The following CDNF variants were observed in gnomAD, a reference collection of about 807,000 sequenced individuals.
CDNF encodes the protein ARMET-like protein 1.
A neutral mutation model predicts 14.8 loss-of-function variants in CDNF; 9 were observed. The ratio of observed to expected loss-of-function variants is 0.61; its 90% CI spans 0.37 to 1.06. The LOEUF is 1.06. Ranked by LOEUF, CDNF falls within the 50% of genes least tolerant of loss-of-function variation. CDNF has a pLI of 0.01. For synonymous variants in CDNF, 86 were observed against 87.2 expected, an observed-to-expected ratio of 0.99 and a Z score of 0.07; for missense variants, 228 against 228.4, an observed-to-expected ratio of 1.00 and a Z score of 0.01.
chr10:14,826,008 CAGAAGCAGAAGAAGAAGAAGGAGA>C (rs1253213674), intron 2 of CDNF, among the ~76,000 whole-genome samples: 21 of 84,918 alleles, frequency 2.5e-4, no homozygotes, highest in African/African-American at 1.1e-3. Flanking sequence ...GCAGAAGAAG[CAGAAGCAGAAGAAGAAGAAGGAGA>C]AGAAGAAGAA....
intron 1 of CDNF, among the ~76,000 whole-genome samples, chr10:14,832,271 G>A (rs1050097040): frequency 2.0e-5 from 3 of 152,212 alleles, no homozygotes; most frequent in African/African-American, 7.2e-5. Flanking sequence ...AGGCTCAAAT[G>A]CAGGAGTGTC....
Position 14,828,258 on chromosome 10 carries a change from A to G in CDNF, c.130T>C (p.Leu44=). The G allele has an allele frequency of 6.2e-7, 1 of 1,613,880 alleles. No individual in the cohort carries two copies. The part of the protein sequence containing the change: ...GADCEVCKEF[L]NRFYKSLIDR... The stretch of plus-strand genomic sequence containing the variant: ...ATCAGTGACTTGTAGAATCGGTTCA[A>G]GAATTCTTTACATACTGGAAGGAAC... The change falls in exon 2 of 4, where the codon TTG becomes CTG. Residue 44 remains leucine (L), a synonymous_variant. Transcript: ENST00000465530.
intron 2 of CDNF, among the ~76,000 whole-genome samples, chr10:14,827,351 G>T (rs372697337): frequency 6.6e-6 from 1 of 152,098 alleles, no homozygotes; most frequent in Non-Finnish European, 1.5e-5. Context: ...AGGGAAAAAG[G>T]AATTGGCCCC....
chr10:14,834,097 T>TTAG (rs1833867277), intron 1 of CDNF: 1 of 152,114 alleles, frequency 6.6e-6, no homozygotes, highest in Non-Finnish European at 1.5e-5. Flanking sequence ...TCCCAGCACT[T>TTAG]TAGGAGGCCA....
chr10:14,832,434 G>A (rs887872336), intron 1 of CDNF, among the ~76,000 whole-genome samples: 9 of 152,252 alleles, frequency 5.9e-5, no homozygotes, highest in African/African-American at 1.4e-4. Flanking sequence ...GTCACTCTGA[G>A]AAGGGAAGCC....
At chr10:14,824,651 T>C (rs1175676912) in intron 3 of CDNF, among the ~76,000 whole-genome samples, 2 of 150,610 alleles carry the variant, frequency 1.3e-5, no homozygotes, top group Non-Finnish European at 3.0e-5. Flanking sequence ...CTTTTCTTGC[T>C]GTTTGTTTTG....
In CDNF at chr10:14,819,946, T is replaced by C; in HGVS notation, c.*34A>G. 6.3e-7 allele frequency: 1 copy of C among 1,593,186 alleles called. No homozygotes were observed. Among genetic ancestry groups the C allele is most frequent in the Non-Finnish European group, 8.6e-7 (1 of 1,168,526 alleles). On this transcript the variant is annotated 3_prime_UTR_variant, in exon 4 of 4. Transcript: ENST00000465530. ...TATCCTAGAGAGTCACTTTTCTCTC[T>C]AATTACAAGTCACAAATGTGCTGGC...
At position 14,825,261 on chromosome 10, in the gene CDNF, G is replaced by C. The variant is rs185649095; in HGVS notation, c.385+218C>G. Reference sequence around the variant, plus strand: ...CTGAGCCACCGCGCCAGGCCTCATTGGCAATTTTAACCTAATGCTGATTAT... The same window carrying C: ...CTGAGCCACCGCGCCAGGCCTCATTCGCAATTTTAACCTAATGCTGATTAT... On this transcript the variant is annotated intron_variant, in intron 3 of 3. Transcript: ENST00000465530. Among the ~76,000 whole-genome samples, 422 of 152,142 alleles carry C rather than the reference G, an allele frequency of 2.8e-3. 2 individuals are homozygous for C. The highest frequency in any genetic ancestry group is 9.7e-3 in the African/African-American group (401 of 41,522).
chr10:14,819,597 T>C lies in CDNF; in HGVS notation c.*383A>G, dbSNP rs11818228. Reference sequence around the variant, plus strand: ...GTTGTGCATTAGATAAGCTGACTGTTGTGTCTTTTGTTTTAGTCCAATATA... The same window carrying C: ...GTTGTGCATTAGATAAGCTGACTGTCGTGTCTTTTGTTTTAGTCCAATATA... On this transcript the variant is annotated 3_prime_UTR_variant, in exon 4 of 4. Coordinates refer to ENST00000465530, the MANE Select transcript of CDNF (RefSeq NM_001029954.3). 2,212 of 159,468 alleles carry C rather than the reference T, an allele frequency of 0.014. 62 individuals carry two copies. Among genetic ancestry groups the C allele is most frequent in the African/African-American group, 0.049 (2,054 of 41,806 alleles). The allele number at this position is 159,468 out of a possible 1,614,324, so 9.9% of individuals were successfully genotyped here. A position where few individuals can be genotyped will look rare whatever the true frequency, so the allele number is the denominator to read the frequency against.
In CDNF at chr10:14,828,221, A is replaced by G. The variant is rs781074978; in HGVS notation, c.167T>C (p.Val56Ala). ...CTCTATAGTGTCCAGCGAAAAGTTA[A>G]CTCCTCTGTCTATCAGTGACTTGTA... ...RFYKSLIDRG[V>A]NFSLDTIEKE... Residue 56 changes from valine to alanine, a missense_variant, in exon 2 of 4, where the codon GTT becomes GCT. Val to Ala is a moderately conservative substitution (Grantham distance 64). Coordinates refer to ENST00000465530, the MANE Select transcript of CDNF (RefSeq NM_001029954.3). 1.9e-6 allele frequency: 3 copies of G among 1,613,532 alleles called. No homozygotes were observed. Among genetic ancestry groups the G allele is most frequent in the Non-Finnish European group, 2.5e-6 (3 of 1,179,474 alleles).
At chr10:14,828,369 C>A in intron 1 of CDNF, 97 bp from the exon 2 acceptor site, 1 of 1,230,274 alleles carries the variant, frequency 8.1e-7, no homozygotes, top group Non-Finnish European at 1.1e-6. Context: ...CTATATGGGG[C>A]TGGGCATGGT....
chr10:14,830,980 G>A (rs1200362101), intron 1 of CDNF, among the ~76,000 whole-genome samples: 1 of 152,148 alleles, frequency 6.6e-6, no homozygotes, highest in Non-Finnish European at 1.5e-5. Flanking sequence ...TGTGAATGGG[G>A]CCTTTGACCC....
At chr10:14,826,014 CAGAAGAAGAAGAAGGAGAAGAAGA>C (rs1833777830) in intron 2 of CDNF, among the ~76,000 whole-genome samples, 33 of 92,838 alleles carry the variant, frequency 3.6e-4, no homozygotes, top group African/African-American at 1.7e-3. Flanking sequence ...GAAGCAGAAG[CAGAAGAAGAAGAAGGAGAAGAAGA>C]AGAAGAAGAA....
chr10:14,837,994 A>G lies in CDNF; in HGVS notation c.-48T>C. ...CCTCCGCCACCCGCGCCCACCGCCC[A>G]CCAAGCTGCCAAAGCGAGCTGAGCA... On this transcript the variant is annotated 5_prime_UTR_variant, in exon 1 of 4. Coordinates refer to ENST00000465530, the MANE Select transcript of CDNF (RefSeq NM_001029954.3). The G allele has an allele frequency of 7.1e-7, 1 of 1,410,074 alleles. No individual in the cohort carries two copies. The highest frequency in any genetic ancestry group is 2.4e-5 in the East Asian group (1 of 41,088). The allele number at this position is 1,410,074 out of a possible 1,614,324, so 87.3% of individuals were successfully genotyped here.
chr10:14,825,431 T>C (rs1323140722), intron 3 of CDNF, 48 bp downstream of exon 3: 6 of 1,575,212 alleles, frequency 3.8e-6, no homozygotes, highest in African/African-American at 1.4e-5. Context: ...CTTTAGAGGT[T>C]TGGGAATCCA....
intron 2 of CDNF, among the ~76,000 whole-genome samples, chr10:14,827,768 C>T (rs182666114): frequency 4.6e-5 from 7 of 152,050 alleles, no homozygotes; most frequent in Non-Finnish European, 7.4e-5. Flanking sequence ...GGTGCACACC[C>T]GTAATCCTAG....
At chr10:14,826,197 A>AGAAGCAGAAGCAGCAGC (rs1833789395) in intron 2 of CDNF, among the ~76,000 whole-genome samples, 1 of 128,768 alleles carries the variant, frequency 7.8e-6, no homozygotes, top group Admixed American at 8.0e-5. Flanking sequence ...GAAGCAGCAG[A>AGAAGCAGAAGCAGCAGC]AGAAGAAGAA....
intron 3 of CDNF, among the ~76,000 whole-genome samples, chr10:14,823,844 T>C (rs1031823698): frequency 2.6e-5 from 4 of 152,180 alleles, no homozygotes; most frequent in Non-Finnish European, 5.9e-5. Context: ...TGAATATTGT[T>C]TATATGGACT....
Position 14,819,904 on chromosome 10 carries a change from C to T in CDNF, c.*76G>A. On this transcript the variant is annotated 3_prime_UTR_variant, in exon 4 of 4. Transcript: ENST00000465530. Reference sequence around the variant, plus strand: ...CAAATATGATGCATTCCCAGTTATCCTTAATCAACATGTCCATATCCTAGA... The same window carrying T: ...CAAATATGATGCATTCCCAGTTATCTTTAATCAACATGTCCATATCCTAGA... The T allele has an allele frequency of 7.2e-7, 1 of 1,387,276 alleles. No individual in the cohort carries two copies. Among genetic ancestry groups the T allele is most frequent in the South Asian group, 1.4e-5 (1 of 73,546 alleles). The allele number at this position is 1,387,276 out of a possible 1,614,324, so 85.9% of individuals were successfully genotyped here.
Sources: allele counts gnomAD v4.1 joint callset (sites outside exome capture counted in the v4.1 genomes callset), GRCh38; gene constraint gnomAD v4.1.1; transcripts MANE v1.5; gene names NCBI Gene and HGNC (gene_info 2026-07-23, HGNC 2026-07-21).